CYFIP2: variants seen among roughly 807,000 people sequenced by gnomAD.
CYFIP2 encodes the protein cytoplasmic FMR1 interacting protein 2, also known as cytoplasmic FMR1-interacting protein 2.
CYFIP2 carries 29 observed loss-of-function variants against 158.7 expected under a neutral mutation model. The ratio of observed to expected loss-of-function variants is 0.18; its 90% confidence interval spans 0.14 to 0.25. The LOEUF is 0.25. CYFIP2 is among the 10% of genes least tolerant of loss of function. The pLI, the probability that CYFIP2 is intolerant of heterozygous loss-of-function variation, is 1.00. For missense variants in CYFIP2, 852 were observed against 1,639.5 expected (o/e 0.52, Z 8.29); for synonymous variants, 585 against 617.6 (o/e 0.95, Z 0.78).
At chr5:157,370,764 G>C (rs1032374528) in intron 26 of CYFIP2, among the ~76,000 whole-genome samples, 1 of 152,196 alleles carries the variant, frequency 6.6e-6, no homozygotes, top group Admixed American at 6.5e-5. Context: ...CACTTTCTAG[G>C]CCACAGTTTC....
intron 23 of CYFIP2, among the ~76,000 whole-genome samples, chr5:157,345,180 G>A (rs566345794): frequency 6.6e-5 from 10 of 152,156 alleles, no homozygotes; most frequent in East Asian, 1.9e-4. Flanking sequence ...ATACACTTTC[G>A]ACCACGATGA....
chr5:157,324,098 A>G (rs368598470), intron 16 of CYFIP2, 24 bp downstream of exon 16: 76 of 1,588,300 alleles, frequency 4.8e-5, no homozygotes, highest in Middle Eastern at 2.1e-4. Context: ...CATCCCTGCT[A>G]AGGCATGGGA....
intron 26 of CYFIP2, chr5:157,363,283 C>T (rs909750212): frequency 6.6e-6 from 1 of 152,290 alleles, no homozygotes; most frequent in African/African-American, 2.4e-5. Context: ...GTGGGAATCT[C>T]TTTTAGCATC....
intron 3 of CYFIP2, among the ~76,000 whole-genome samples, chr5:157,287,437 T>C (rs1194524786): frequency 6.6e-6 from 1 of 152,206 alleles, no homozygotes; most frequent in Admixed American, 6.5e-5. Flanking sequence ...AATGAATGTG[T>C]GGAATTTTGT....
At chr5:157,356,894 C>G (rs1386962983) in intron 23 of CYFIP2, among the ~76,000 whole-genome samples, 1 of 152,192 alleles carries the variant, frequency 6.6e-6, no homozygotes, top group Admixed American at 6.5e-5. Context: ...GCTAAATCAA[C>G]TCAGCAAGTC....
chr5:157,314,579 T>C (rs1759990758), intron 12 of CYFIP2, 116 bp downstream of exon 12: 3 of 1,366,138 alleles, frequency 2.2e-6, no homozygotes. Flanking sequence ...TCACGTACCA[T>C]ACGATTTACC....
intron 27 of CYFIP2, among the ~76,000 whole-genome samples, chr5:157,383,020 T>C (rs1766282962): frequency 6.6e-6 from 1 of 152,148 alleles, no homozygotes; most frequent in Admixed American, 6.5e-5. Flanking sequence ...AATATATATA[T>C]TAATATATTA....
At chr5:157,336,549 ACT>A (rs1761870935) in intron 21 of CYFIP2, among the ~76,000 whole-genome samples, 1 of 152,190 alleles carries the variant, frequency 6.6e-6, no homozygotes, top group South Asian at 2.1e-4. Context: ...GCCTCACTGT[ACT>A]GAGTTTGAGA....
intron 3 of CYFIP2, among the ~76,000 whole-genome samples, chr5:157,291,485 A>T (rs990400931): frequency 3.6e-4 from 55 of 152,224 alleles, no homozygotes; most frequent in Non-Finnish European, 4.6e-4. Context: ...AGCACAAAGC[A>T]CAGAGCCTGG....
chr5:157,392,462 C>T (rs770535884), intron 30 of CYFIP2, among the ~76,000 whole-genome samples: 6 of 152,170 alleles, frequency 3.9e-5, no homozygotes, highest in Non-Finnish European at 7.4e-5. Context: ...TTCCCAGCAC[C>T]TTTTGTTGAA....
intron 28 of CYFIP2, among the ~76,000 whole-genome samples, chr5:157,388,039 C>T (rs1404383045): frequency 6.6e-6 from 1 of 152,172 alleles, no homozygotes; most frequent in Non-Finnish European, 1.5e-5. Context: ...TGCCTCCCAG[C>T]CACCCTGTAA....
Position 157,287,024 on chromosome 5 carries a change from C to G in CYFIP2, c.123C>G (p.Asn41Lys). 6.2e-7 allele frequency: 1 copy of G among 1,613,292 alleles called. No homozygotes were observed. The highest frequency in any genetic ancestry group is 8.5e-7 in the Non-Finnish European group (1 of 1,179,348). Reference protein sequence around the residue: ...PPPSSIMYQANFDTNFEDRNA... With the variant: ...PPPSSIMYQAKFDTNFEDRNA... ...CCTGTCCTCTAATTCCACAGGCTAA[C>G]TTTGACACAAACTTTGAGGACAGGA... Residue 41 changes from asparagine to lysine, a missense_variant, in exon 3 of 31, where the codon AAC (asparagine) becomes AAG (lysine). Coordinates refer to ENST00000620254, the MANE Select transcript of CYFIP2 (RefSeq NM_001037333.3).
chr5:157,392,095 A>AT (rs774590683), intron 30 of CYFIP2, among the ~76,000 whole-genome samples: 19 of 151,952 alleles, frequency 1.3e-4, no homozygotes, highest in Non-Finnish European at 2.1e-4. Context: ...TCCTTTGTCC[A>AT]TTTTTTTAAT....
In CYFIP2 at chr5:157,331,525, C is replaced by T. The variant is rs148120582; in HGVS notation, c.2265+675C>T. 4.2e-3 allele frequency among the ~76,000 whole-genome samples: 633 copies of T among 151,730 alleles called. 5 individuals are homozygous for T. Among genetic ancestry groups the T allele is most frequent in the African/African-American group, 0.014 (598 of 41,306 alleles). On this transcript the variant is annotated intron_variant, in intron 20 of 30. Coordinates refer to ENST00000620254, the MANE Select transcript of CYFIP2 (RefSeq NM_001037333.3). ...TCTTTGTGAAAGGGCCAGGCTGAGG[C>T]TAAGATCATGCCAGAGGTGAAAAGG...
intron 3 of CYFIP2, among the ~76,000 whole-genome samples, chr5:157,292,930 A>G (rs569867026): frequency 6.6e-6 from 1 of 152,290 alleles, no homozygotes; most frequent in South Asian, 2.1e-4. Flanking sequence ...TTAACAGATG[A>G]CTAAGTGGAG....
rs1023221349 is a variant in CYFIP2, at chr5:157,358,116, C to T, written c.2674-889C>T. Among the ~76,000 whole-genome samples the T allele has an allele frequency of 2.6e-5, 4 of 152,292 alleles. No individual in the cohort carries two copies. The East Asian group carries it at 7.7e-4, about 29-fold the overall frequency. On this transcript the variant is annotated intron_variant, in intron 23 of 30. Transcript: ENST00000620254. ...TTCACAAAGCCTGGCATTAGGTGCT[C>T]CGTAAGCGGCAGCATTTCCAGAACA...
intron 16 of CYFIP2, 82 bp from the exon 17 acceptor site, chr5:157,325,400 C>T: frequency 7.1e-6 from 10 of 1,414,046 alleles, no homozygotes; most frequent in Non-Finnish European, 7.5e-6. Flanking sequence ...GTGACAATAA[C>T]AATGAAAATT....
intron 21 of CYFIP2, among the ~76,000 whole-genome samples, chr5:157,334,893 G>GTTGTACCAAAGTTAAT (rs1761741003): frequency 6.6e-6 from 1 of 152,280 alleles, no homozygotes; most frequent in Admixed American, 6.5e-5. Flanking sequence ...AGCTAATAGT[G>GTTGTACCAAAGTTAAT]TTGTACCAAA....
At chr5:157,370,115 G>A (rs538193332) in intron 26 of CYFIP2, among the ~76,000 whole-genome samples, 36 of 152,084 alleles carry the variant, frequency 2.4e-4, no homozygotes, top group Non-Finnish European at 4.4e-4. Context: ...TCCTGACCTC[G>A]TGATCCATGC....
Sources: gnomAD v4.1 joint callset for allele counts (sites outside exome capture counted in the v4.1 genomes callset) on GRCh38, gnomAD v4.1.1 for gene constraint, MANE v1.5 for transcripts, NCBI Gene and HGNC (gene_info 2026-07-23, HGNC 2026-07-21) for gene names.